Variants in NME7 observed in about 807,000 individuals in gnomAD.
NME7 encodes NME/NM23 family member 7.
In NME7, 41 loss-of-function variants were observed where a neutral mutation model predicts 49.1. The ratio of observed to expected loss-of-function variants is 0.83; its 90% confidence interval spans 0.65 to 1.08. NME7 has a LOEUF of 1.08. NME7 is among the 50% of genes least tolerant of loss of function. NME7 has a pLI of 0.00. For missense variants in NME7, 423 were observed against 463.4 expected (o/e 0.91, Z 0.80); for synonymous variants, 139 against 150.6 (o/e 0.92, Z 0.56).
intron 7 of NME7, among the ~76,000 whole-genome samples, chr1:169,258,237 G>A (rs1315848667): frequency 7.9e-6 from 1 of 127,050 alleles, no homozygotes; most frequent in East Asian, 2.0e-4. Context: ...CTCTGCTTGG[G>A]AGGCTGAGGT....
At chr1:169,149,249 G>A (rs1658842536) in intron 11 of NME7, among the ~76,000 whole-genome samples, 1 of 152,150 alleles carries the variant, frequency 6.6e-6, no homozygotes, top group Non-Finnish European at 1.5e-5. Flanking sequence ...GCCAAGGCAG[G>A]AGATTTGCTT....
chr1:169,140,969 C>T (rs926812124), intron 11 of NME7, among the ~76,000 whole-genome samples: 3 of 152,120 alleles, frequency 2.0e-5, no homozygotes, highest in Non-Finnish European at 2.9e-5. Flanking sequence ...GGTTGAAAGC[C>T]ACTGCCCTAG....
chr1:169,289,264 C>T (rs1650401176), intron 6 of NME7, among the ~76,000 whole-genome samples: 1 of 152,122 alleles, frequency 6.6e-6, no homozygotes, highest in South Asian at 2.1e-4. Context: ...TACTCCCTCT[C>T]AGTCTCCTTC....
At chr1:169,154,444 A>G (rs916441178) in intron 11 of NME7, among the ~76,000 whole-genome samples, 9 of 152,158 alleles carry the variant, frequency 5.9e-5, no homozygotes, top group African/African-American at 1.7e-4. Flanking sequence ...GATAAAATTA[A>G]TTTTTAATTC....
intron 10 of NME7, among the ~76,000 whole-genome samples, chr1:169,174,247 T>C (rs1291306281): frequency 6.6e-6 from 1 of 152,228 alleles, no homozygotes; most frequent in Non-Finnish European, 1.5e-5. Flanking sequence ...AATTATTCTA[T>C]GGCTGTGTTA....
intron 10 of NME7, among the ~76,000 whole-genome samples, chr1:169,221,614 G>T: frequency 6.6e-6 from 1 of 151,746 alleles, no homozygotes; most frequent in East Asian, 1.9e-4. Context: ...CAAATATATG[G>T]AAATATATTT....
intron 7 of NME7, among the ~76,000 whole-genome samples, chr1:169,283,328 C>T (rs567771835): frequency 1.3e-5 from 2 of 152,164 alleles, no homozygotes; most frequent in Admixed American, 1.3e-4. Context: ...TTACTTTGAG[C>T]CTATATGTGT....
intron 1 of NME7, among the ~76,000 whole-genome samples, chr1:169,336,232 G>C (rs544157642): frequency 1.3e-5 from 2 of 152,080 alleles, no homozygotes; most frequent in African/African-American, 2.4e-5. Flanking sequence ...AGATCTTCAC[G>C]GTGAGTGTTA....
chr1:169,336,775 T>C (rs2090514), intron 1 of NME7, among the ~76,000 whole-genome samples: 53,054 of 151,090 alleles, frequency 0.35, 10,373 homozygotes, highest in Non-Finnish European at 0.44. Context: ...TGGGTGCTGA[T>C]TGGTGTATTT....
rs1349409408 is a variant in NME7, at chr1:169,258,423, CAT to C, written c.755-20738_755-20737del. Among the ~76,000 whole-genome samples, 786 of 100,030 alleles carry C rather than the reference CAT, an allele frequency of 7.9e-3. 69 individuals are homozygous for C. Among genetic ancestry groups the C allele is most frequent in the African/African-American group, 0.026 (741 of 28,648 alleles). 65.6% of individuals were successfully genotyped at this position (100,030 alleles called of 152,430 possible). A position where few individuals can be genotyped will look rare whatever the true frequency, so the allele number is the denominator to read the frequency against. ...ATATATATACACACACACACACACA[CAT>C]ACACACACACATATATCTTCTCATT... On this transcript the variant is annotated intron_variant, in intron 7 of 11. Transcript: ENST00000367811.
chr1:169,210,140 G>A (rs1214426675), intron 10 of NME7, among the ~76,000 whole-genome samples: 1 of 151,984 alleles, frequency 6.6e-6, no homozygotes, highest in Non-Finnish European at 1.5e-5. Flanking sequence ...AAATAAAACT[G>A]AGTAAATCTC....
At chr1:169,188,914 G>A (rs770288742) in intron 10 of NME7, among the ~76,000 whole-genome samples, 3 of 152,130 alleles carry the variant, frequency 2.0e-5, no homozygotes, top group Non-Finnish European at 2.9e-5. Flanking sequence ...TTTCTATTAG[G>A]TATCAGGAAA....
At chr1:169,180,046 C>G (rs1659880835) in intron 10 of NME7, among the ~76,000 whole-genome samples, 1 of 151,124 alleles carries the variant, frequency 6.6e-6, no homozygotes, top group Admixed American at 6.6e-5. Flanking sequence ...ACAGTTATAT[C>G]CAATTTATAA....
At chr1:169,359,445 T>G (rs1016840773) in intron 1 of NME7, among the ~76,000 whole-genome samples, 2 of 150,958 alleles carry the variant, frequency 1.3e-5, no homozygotes, top group African/African-American at 4.9e-5. Context: ...AATAGAATCA[T>G]ATTTTAAAGG....
chr1:169,166,498 T>C (rs1659416103), intron 11 of NME7, among the ~76,000 whole-genome samples: 1 of 152,052 alleles, frequency 6.6e-6, no homozygotes, highest in South Asian at 2.1e-4. Context: ...CTAAGAACTA[T>C]ATGAAAAAAA....
At chr1:169,247,030 C>T in intron 7 of NME7, 1 of 456,208 alleles carries the variant, frequency 2.2e-6, no homozygotes, top group Non-Finnish European at 4.4e-6. Flanking sequence ...ATGAAGATTT[C>T]CAGGAAAGAG....
chr1:169,358,625 A>G (rs1267875267), intron 1 of NME7, among the ~76,000 whole-genome samples: 1 of 152,128 alleles, frequency 6.6e-6, no homozygotes, highest in Non-Finnish European at 1.5e-5. Flanking sequence ...ACAAAGAAAT[A>G]TTGTAGGTAA....
intron 3 of NME7, among the ~76,000 whole-genome samples, chr1:169,317,355 GA>G (rs1353573581): frequency 6.6e-6 from 1 of 152,120 alleles, no homozygotes; most frequent in Non-Finnish European, 1.5e-5. Context: ...TTATTTTACA[GA>G]AAAAAATATC....
intron 11 of NME7, among the ~76,000 whole-genome samples, chr1:169,165,220 TAGG>T (rs1269921247): frequency 1.3e-5 from 2 of 152,152 alleles, no homozygotes; most frequent in Non-Finnish European, 2.9e-5. Context: ...CTATGAGTTC[TAGG>T]AGAACAGTAG....
Sources: allele counts gnomAD v4.1 joint callset (sites outside exome capture counted in the v4.1 genomes callset), GRCh38; gene constraint gnomAD v4.1.1; transcripts MANE v1.5; gene names NCBI Gene and HGNC (gene_info 2026-07-23, HGNC 2026-07-21).